The following SLC25A26 variants were observed in gnomAD, a reference collection of about 807,000 sequenced individuals.
SLC25A26 encodes mitochondrial S-adenosylmethionine carrier protein.
A neutral mutation model predicts 37.8 loss-of-function variants in SLC25A26; 36 were observed. That is an observed-to-expected ratio of 0.95 (90% CI 0.73 to 1.26). The LOEUF (loss-of-function observed/expected upper bound fraction) is 1.26, where lower values mean the gene tolerates loss of function less well. SLC25A26 is among the 50% of genes most tolerant of loss of function. The pLI, the probability that SLC25A26 is intolerant of heterozygous loss-of-function variation, is 0.00. For missense variants in SLC25A26, 390 were observed against 331.1 expected, an observed-to-expected ratio of 1.18 and a Z score of -1.38; for synonymous variants, 129 against 122.5, an observed-to-expected ratio of 1.05 and a Z score of -0.35.
chr3:66,228,700 T>C (rs1249262391), intron 1 of SLC25A26, among the ~76,000 whole-genome samples: 1 of 152,228 alleles, frequency 6.6e-6, no homozygotes, highest in Non-Finnish European at 1.5e-5. Context: ...CTTAACTGTT[T>C]ACTGAGCACT....
chr3:66,315,721 C>T (rs1009472354), intron 5 of SLC25A26, among the ~76,000 whole-genome samples: 3 of 152,094 alleles, frequency 2.0e-5, no homozygotes, highest in Non-Finnish European at 4.4e-5. Context: ...GTATTAAAGT[C>T]TCCCACTATA....
chr3:66,212,353 T>C (rs1009064124), intron 1 of SLC25A26, among the ~76,000 whole-genome samples: 6 of 152,094 alleles, frequency 3.9e-5, no homozygotes, highest in Middle Eastern at 3.2e-3. Flanking sequence ...TGGCTTGAAG[T>C]AGTCCTCCCA....
chr3:66,314,774 GTTAT>G, intron 5 of SLC25A26, among the ~76,000 whole-genome samples: 1 of 146,052 alleles, frequency 6.8e-6, no homozygotes, highest in Non-Finnish European at 1.5e-5. Context: ...TTTTTTTTTA[GTTAT>G]TTATTACTGC....
chr3:66,169,894 AC>A, intron 1 of SLC25A26, among the ~76,000 whole-genome samples: 1 of 152,332 alleles, frequency 6.6e-6, no homozygotes, highest in Non-Finnish European at 1.5e-5. Flanking sequence ...ATGTCCATGA[AC>A]CCTCTGAAAT....
intron 2 of SLC25A26, among the ~76,000 whole-genome samples, chr3:66,242,780 A>G (rs2072641365): frequency 6.6e-6 from 1 of 152,362 alleles, no homozygotes; most frequent in South Asian, 2.1e-4. Context: ...AACATTATAG[A>G]ATAGACATTT....
Position 66,259,308 on chromosome 3 carries a change from C to T in SLC25A26, c.301-2743C>T, listed in dbSNP as rs557905212. On this transcript the variant is annotated intron_variant, in intron 3 of 9. Coordinates refer to ENST00000354883, the MANE Select transcript of SLC25A26 (RefSeq NM_001379210.1). ...TTTGGGTGTTACTATCTGGTTTTAGCGATCACCTGTATGCTGATGACTTCC... is the reference window on the plus strand; with the variant it reads ...TTTGGGTGTTACTATCTGGTTTTAGTGATCACCTGTATGCTGATGACTTCC... Among the ~76,000 whole-genome samples the T allele has an allele frequency of 5.9e-5, 9 of 152,246 alleles. No homozygotes were observed. In the South Asian group the frequency reaches 6.2e-4, roughly 11 times the overall value.
At chr3:66,332,751 A>G (rs1193337002) in intron 5 of SLC25A26, among the ~76,000 whole-genome samples, 3 of 152,024 alleles carry the variant, frequency 2.0e-5, no homozygotes, top group African/African-American at 7.3e-5. Context: ...GAATAGATAC[A>G]GATACATGAA....
At chr3:66,157,428 A>G (rs556637504) in intron 1 of SLC25A26, among the ~76,000 whole-genome samples, 40 of 152,298 alleles carry the variant, frequency 2.6e-4, no homozygotes, top group African/African-American at 8.2e-4. Flanking sequence ...CATCTCTATT[A>G]AAAAAGGAAA....
At chr3:66,349,450 A>G (rs1340886099) in intron 6 of SLC25A26, among the ~76,000 whole-genome samples, 1 of 151,252 alleles carries the variant, frequency 6.6e-6, no homozygotes, top group African/African-American at 2.4e-5. Flanking sequence ...AAATAGATAC[A>G]GGGTACTATT....
At chr3:66,255,902 T>C (rs1338064270) in intron 3 of SLC25A26, among the ~76,000 whole-genome samples, 1 of 152,162 alleles carries the variant, frequency 6.6e-6, no homozygotes. Flanking sequence ...TGCTGGGTGC[T>C]TTGTACCCCT....
chr3:66,289,343 C>A lies in SLC25A26; in HGVS notation c.453+25964C>A, dbSNP rs182332256. Among the ~76,000 whole-genome samples, 466 of 152,238 alleles carry A rather than the reference C, an allele frequency of 3.1e-3. 1 individual carries two copies. Among genetic ancestry groups the A allele is most frequent in the Non-Finnish European group, 5.4e-3 (368 of 68,006 alleles). ...TTTAGTTTAATTAGATCCCCTTTGT[C>A]AATTTTGGCTTTGTTGCCATTGCTT... On this transcript the variant is annotated intron_variant, in intron 5 of 9. Transcript: ENST00000354883.
chr3:66,260,316 A>G (rs1194818595), intron 3 of SLC25A26, among the ~76,000 whole-genome samples: 1 of 152,066 alleles, frequency 6.6e-6, no homozygotes, highest in Non-Finnish European at 1.5e-5. Flanking sequence ...CTGGCTCCAT[A>G]TGTATTTCTT....
chr3:66,240,860 C>G (rs1440990223), intron 2 of SLC25A26, among the ~76,000 whole-genome samples: 1 of 151,522 alleles, frequency 6.6e-6, no homozygotes, highest in Non-Finnish European at 1.5e-5. Context: ...ATTCTCCTGC[C>G]TCAGCCTCCT....
chr3:66,306,925 G>A (rs984253081), intron 5 of SLC25A26, among the ~76,000 whole-genome samples: 5 of 152,142 alleles, frequency 3.3e-5, no homozygotes, highest in African/African-American at 1.2e-4. Flanking sequence ...ATTTGGGTTG[G>A]TTCCAAGTCT....
At chr3:66,321,103 A>G (rs1559696908) in intron 5 of SLC25A26, among the ~76,000 whole-genome samples, 1 of 151,978 alleles carries the variant, frequency 6.6e-6, no homozygotes, top group Non-Finnish European at 1.5e-5. Flanking sequence ...CATGCCAGAG[A>G]CCCCCACCTC....
chr3:66,193,074 G>A (rs1436907361), intron 1 of SLC25A26, among the ~76,000 whole-genome samples: 2 of 152,050 alleles, frequency 1.3e-5, no homozygotes, highest in African/African-American at 4.8e-5. Context: ...AGGATTTTCT[G>A]TTTGTATATT....
Position 66,236,528 on chromosome 3 carries a change from T to C in SLC25A26, c.34-16T>C, listed in dbSNP as rs1383820520. 4.3e-5 allele frequency: 61 copies of C among 1,424,846 alleles called. No homozygotes were observed. Among genetic ancestry groups the C allele is most frequent in the Non-Finnish European group, 5.4e-5 (58 of 1,082,980 alleles). 88.3% of individuals were successfully genotyped at this position (1,424,846 alleles called of 1,614,324 possible). A position where few individuals can be genotyped will look rare whatever the true frequency, so the allele number is the denominator to read the frequency against. ...ACCTTTTTTTTTTCTTTTTCTTCCC[T>C]CTTTTTTTTTCAAAGGCTGGTGGGG... On this transcript the variant is annotated splice_polypyrimidine_tract_variant and intron_variant, in intron 1 of 9. Coordinates refer to ENST00000354883, the MANE Select transcript of SLC25A26 (RefSeq NM_001379210.1).
At chr3:66,298,682 C>G (rs2074980977) in intron 5 of SLC25A26, among the ~76,000 whole-genome samples, 1 of 152,126 alleles carries the variant, frequency 6.6e-6, no homozygotes, top group African/African-American at 2.4e-5. Flanking sequence ...GTGCTAAAAG[C>G]TGCTAGAAAT....
intron 1 of SLC25A26, among the ~76,000 whole-genome samples, chr3:66,234,901 T>G (rs566462336): frequency 6.6e-6 from 1 of 152,332 alleles, no homozygotes; most frequent in African/African-American, 2.4e-5. Flanking sequence ...TGGTTCTGAT[T>G]TCAAAATATA....
Sources: gnomAD v4.1 joint callset for allele counts (sites outside exome capture counted in the v4.1 genomes callset) on GRCh38, gnomAD v4.1.1 for gene constraint, MANE v1.5 for transcripts, NCBI Gene and HGNC (gene_info 2026-07-23, HGNC 2026-07-21) for gene names.